Variants in RAB7A observed in about 807,000 individuals in gnomAD.
RAB7A encodes the protein RAB7A, member RAS oncogene family, also known as ras-related protein Rab-7a.
Under a neutral mutation model 24.5 loss-of-function variants are expected in RAB7A, and 2 were observed. The ratio of observed to expected loss-of-function variants is 0.08; its 90% CI spans 0.03 to 0.26. The LOEUF is 0.26. Ranked by LOEUF, RAB7A falls within the 10% of genes least tolerant of loss-of-function variation. The probability of loss-of-function intolerance (pLI) is 1.00; values close to 1 mark genes in which losing one functional copy is unlikely to be tolerated. For synonymous variants in RAB7A, 100 were observed against 95.9 expected, an observed-to-expected ratio of 1.04 and a Z score of -0.25; for missense variants, 118 against 255.7, an observed-to-expected ratio of 0.46 and a Z score of 3.67.
chr3:128,770,103 A>G (rs1387532873), intron 1 of RAB7A, among the ~76,000 whole-genome samples: 1 of 151,786 alleles, frequency 6.6e-6, no homozygotes, highest in Non-Finnish European at 1.5e-5. Context: ...TCTGGGTTCA[A>G]GCTGTTCTCC....
rs571998983 is a variant in RAB7A, at chr3:128,814,670, G to A, written c.*1248G>A. ...CAGTTCTGCTCCCTTCCTAGGATCT[G>A]CCCCTGCATTGTAGCTTGCTTAACG... On this transcript the variant is annotated 3_prime_UTR_variant, in exon 6 of 6. Transcript: ENST00000265062. The A allele has an allele frequency of 6.5e-6, 1 of 152,748 alleles. No individual in the cohort carries two copies. The highest frequency in any genetic ancestry group is 1.5e-5 in the Non-Finnish European group (1 of 68,028). The allele number at this position is 152,748 out of a possible 1,614,324, so 9.5% of individuals were successfully genotyped here. A position where few individuals can be genotyped will look rare whatever the true frequency, so the allele number is the denominator to read the frequency against.
intron 1 of RAB7A, chr3:128,764,335 G>A (rs1335734642): frequency 1.7e-6 from 1 of 596,142 alleles, no homozygotes; most frequent in East Asian, 2.8e-5. Context: ...TGAAGGAATG[G>A]TACAAATCGA....
intron 5 of RAB7A, among the ~76,000 whole-genome samples, chr3:128,809,934 G>GTTTTTTTTT (rs1231077081): frequency 2.1e-5 from 1 of 47,546 alleles, no homozygotes; most frequent in Non-Finnish European, 4.1e-5. Context: ...TCTTGCCACA[G>GTTTTTTTTT]TCTTTTTTTT....
In RAB7A at chr3:128,814,546, T is replaced by A. The variant is rs1933997849; in HGVS notation, c.*1124T>A. On this transcript the variant is annotated 3_prime_UTR_variant, in exon 6 of 6. Transcript: ENST00000265062. ...CTAGAAGGCGCTCCTTTCAGGGTTG[T>A]GGTATTCTTAGGTTAGCGGAGCTTT... 6.6e-6 allele frequency: 1 copy of A among 152,634 alleles called. No individual in the cohort carries two copies. The allele number at this position is 152,634 out of a possible 1,614,324, so 9.5% of individuals were successfully genotyped here.
intron 1 of RAB7A, among the ~76,000 whole-genome samples, chr3:128,779,221 C>T (rs1477679941): frequency 6.6e-6 from 1 of 152,110 alleles, no homozygotes. Flanking sequence ...TGAGACCAGC[C>T]TGGCCAACAT....
At chr3:128,764,067 TACA>T (rs2070802471) in intron 1 of RAB7A, among the ~76,000 whole-genome samples, 1 of 152,150 alleles carries the variant, frequency 6.6e-6, no homozygotes, top group Non-Finnish European at 1.5e-5. Context: ...CTGGCAGGAC[TACA>T]GAGGTCAAAA....
At chr3:128,744,879 T>TC (rs1314492282) in intron 1 of RAB7A, among the ~76,000 whole-genome samples, 2 of 150,376 alleles carry the variant, frequency 1.3e-5, no homozygotes, top group African/African-American at 4.9e-5. Context: ...TCTTTTTCTT[T>TC]TTTTTTTTTT....
chr3:128,741,769 C>T (rs1051847464), intron 1 of RAB7A, among the ~76,000 whole-genome samples: 2 of 152,138 alleles, frequency 1.3e-5, no homozygotes, highest in Non-Finnish European at 2.9e-5. Flanking sequence ...TTGTTTTATA[C>T]GTATATACAC....
intron 2 of RAB7A, 102 bp from the exon 3 acceptor site, chr3:128,797,841 G>T (rs578043368): frequency 7.1e-7 from 1 of 1,405,778 alleles, no homozygotes; most frequent in African/African-American, 1.4e-5. Flanking sequence ...GCAGTTTCTT[G>T]TCCTTCAGGT....
intron 1 of RAB7A, chr3:128,765,082 G>A (rs2070816352): frequency 1.1e-6 from 1 of 922,800 alleles, no homozygotes; most frequent in Non-Finnish European, 1.7e-6. Flanking sequence ...GGGGGCCTTG[G>A]GATGGTCCGA....
chr3:128,787,904 G>C (rs967712920), intron 1 of RAB7A, among the ~76,000 whole-genome samples: 1 of 152,180 alleles, frequency 6.6e-6, no homozygotes, highest in Non-Finnish European at 1.5e-5. Context: ...GTAGCGACTG[G>C]GTTTCAACAT....
At chr3:128,787,542 G>A (rs79820406) in intron 1 of RAB7A, among the ~76,000 whole-genome samples, 1 of 152,142 alleles carries the variant, frequency 6.6e-6, no homozygotes, top group Non-Finnish European at 1.5e-5. Context: ...CTGCCACTTC[G>A]TTGCTGTCTG....
intron 1 of RAB7A, among the ~76,000 whole-genome samples, chr3:128,789,327 CTT>C (rs10575679): frequency 0.035 from 4,610 of 131,610 alleles, 189 homozygotes; most frequent in African/African-American, 0.1. Flanking sequence ...ACTTTGTAGC[CTT>C]TTTTTTTTTT....
intron 3 of RAB7A, among the ~76,000 whole-genome samples, chr3:128,801,907 C>G (rs2107613849): frequency 6.6e-6 from 1 of 152,158 alleles, no homozygotes; most frequent in East Asian, 1.9e-4. Context: ...TGAGGAAAAC[C>G]TGACAAGCAC....
intron 1 of RAB7A, chr3:128,749,447 G>A (rs922430425): frequency 6.6e-6 from 1 of 152,164 alleles, no homozygotes; most frequent in Non-Finnish European, 1.5e-5. Flanking sequence ...CTTCACCTTA[G>A]CGAAGCTACC....
At chr3:128,763,992 G>C (rs2070801469) in intron 1 of RAB7A, among the ~76,000 whole-genome samples, 1 of 151,770 alleles carries the variant, frequency 6.6e-6, no homozygotes, top group Admixed American at 6.6e-5. Flanking sequence ...CATCTTTAAT[G>C]AAATTGTTTT....
intron 1 of RAB7A, among the ~76,000 whole-genome samples, chr3:128,745,513 G>A (rs749936182): frequency 1.3e-5 from 2 of 152,042 alleles, no homozygotes; most frequent in South Asian, 2.1e-4. Flanking sequence ...ACAGGTGCGC[G>A]CACCACCATG....
At chr3:128,755,167 A>G (rs2070719065) in intron 1 of RAB7A, among the ~76,000 whole-genome samples, 2 of 152,198 alleles carry the variant, frequency 1.3e-5, no homozygotes, top group African/African-American at 2.4e-5. Flanking sequence ...ATTTTCTTTG[A>G]CAAAATGGGA....
intron 3 of RAB7A, chr3:128,798,326 T>C (rs1186504540): frequency 4.8e-6 from 2 of 415,770 alleles, no homozygotes; most frequent in Non-Finnish European, 8.8e-6. Context: ...GATTTATCCT[T>C]TCTTGTTTTT....
Sources: gnomAD v4.1 joint callset for allele counts (sites outside exome capture counted in the v4.1 genomes callset) on GRCh38, gnomAD v4.1.1 for gene constraint, MANE v1.5 for transcripts, NCBI Gene and HGNC (gene_info 2026-07-23, HGNC 2026-07-21) for gene names.